Variants in ZSCAN10 observed in about 807,000 individuals in gnomAD.
The protein encoded by ZSCAN10 is zinc finger and SCAN domain-containing protein 10.
In ZSCAN10, 52 loss-of-function variants were observed where a neutral mutation model predicts 63.7. The observed-to-expected ratio is 0.82, with a 90% CI of 0.65 to 1.03. The LOEUF is 1.03. Among genes scored for constraint, ZSCAN10 ranks in the 50% least tolerant of loss-of-function variants. The pLI, the probability that ZSCAN10 is intolerant of heterozygous loss-of-function variation, is 0.00. For synonymous variants in ZSCAN10, 544 were observed against 479.6 expected (o/e 1.13, Z -1.76); for missense variants, 1,223 against 1,103.8 (o/e 1.11, Z -1.53).
rs774032904 is a variant in ZSCAN10, at chr16:3,089,490, G to A, written c.1944C>T (p.His648=). 1 of 1,601,352 alleles carries A rather than the reference G, an allele frequency of 6.2e-7. No individual in the cohort carries two copies. Among genetic ancestry groups the A allele is most frequent in the East Asian group, 2.2e-5 (1 of 44,554 alleles). Residue 648 remains histidine, a synonymous_variant, in exon 6 of 6, where the codon CAC becomes CAT. Transcript: ENST00000576985. The part of the protein sequence containing the change: ...ECGEGFSQSA[H]LARHQRIHTG... ...TGTGGATGCGCTGGTGGCGCGCCAG[G>A]TGGGCGCTCTGGCTGAAGCCCTCAC...
intron 1 of ZSCAN10, among the ~76,000 whole-genome samples, chr16:3,095,869 A>AG (rs1489768068): frequency 2.0e-5 from 3 of 151,108 alleles, no homozygotes; most frequent in African/African-American, 7.3e-5. Flanking sequence ...GGTTGTGTAT[A>AG]CCTGTGGTCC....
Position 3,092,870 on chromosome 16 carries a change from T to A in ZSCAN10, c.68A>T (p.Glu23Val). 6.9e-7 allele frequency: 1 copy of A among 1,445,600 alleles called. No individual in the cohort carries two copies. Among genetic ancestry groups the A allele is most frequent in the Middle Eastern group, 2.3e-4 (1 of 4,308 alleles). The allele number at this position is 1,445,600 out of a possible 1,614,324, so 89.5% of individuals were successfully genotyped here. A position where few individuals can be genotyped will look rare whatever the true frequency, so the allele number is the denominator to read the frequency against. ...GGGGTCCTCTGGGCTGACAGCCTCC[T>A]CCTCCTCCAGCTTGACTTCCCCCAG... The part of the protein sequence containing the change: ...EQLGEVKLEE[E>V]EAVSPEDPRR... Residue 23 changes from glutamate (E) to valine (V), a missense_variant, in exon 2 of 6, where the codon GAG (glutamate) becomes GTG (valine). By Grantham distance (121) the Glu-to-Val change is moderately radical. Coordinates refer to ENST00000576985, the MANE Select transcript of ZSCAN10 (RefSeq NM_032805.3).
At chr16:3,093,100 A>G (rs1428903533) in intron 1 of ZSCAN10, 96 bp from the exon 2 acceptor site, 2 of 949,712 alleles carry the variant, frequency 2.1e-6, no homozygotes, top group African/African-American at 3.4e-5. Flanking sequence ...ACGCAGACCC[A>G]GAGGAATCGC....
chr16:3,095,827 CAAA>C (rs34598827), intron 1 of ZSCAN10, among the ~76,000 whole-genome samples: 1 of 118,674 alleles, frequency 8.4e-6, no homozygotes, highest in Non-Finnish European at 1.7e-5. Context: ...GACTCCATCT[CAAA>C]AAAAAAAAAA....
intron 5 of ZSCAN10, 41 bp from the exon 6 acceptor site, chr16:3,090,687 C>T (rs1451395714): frequency 6.7e-7 from 1 of 1,493,798 alleles, no homozygotes; most frequent in African/African-American, 1.4e-5. Flanking sequence ...GGCCTATTCC[C>T]AGGGCCACTA....
In ZSCAN10 at chr16:3,089,509, C is replaced by T; in HGVS notation, c.1925G>A (p.Gly642Asp). ...KPCRCSECGE[G>D]FSQSAHLARH... ...CGCCAGGTGGGCGCTCTGGCTGAAGCCCTCACCGCACTCGCTGCAGCGGCA... is the reference window on the plus strand; with the variant it reads ...CGCCAGGTGGGCGCTCTGGCTGAAGTCCTCACCGCACTCGCTGCAGCGGCA... Residue 642 changes from glycine (G) to aspartate (D), a missense_variant, in exon 6 of 6, where the codon GGC becomes GAC. Coordinates refer to ENST00000576985, the MANE Select transcript of ZSCAN10 (RefSeq NM_032805.3). 1 of 1,602,674 alleles carries T rather than the reference C, an allele frequency of 6.2e-7. No individual in the cohort carries two copies.
intron 4 of ZSCAN10, 65 bp downstream of exon 4, chr16:3,091,699 G>C (rs1957078822): frequency 5.0e-6 from 8 of 1,605,144 alleles, no homozygotes; most frequent in Non-Finnish European, 6.8e-6. Context: ...GTATGGATTT[G>C]CTAAAACTAC....
chr16:3,089,622 C>A lies in ZSCAN10; in HGVS notation c.1812G>T (p.Arg604=). The A allele has an allele frequency of 6.3e-7, 1 of 1,583,912 alleles. No individual in the cohort carries two copies. The highest frequency in any genetic ancestry group is 1.8e-5 in the Admixed American group (1 of 56,358). ...ARHLLTHGGP[R]PHHCTQCGKS... is the part of the protein sequence containing the mutation. ...TCCCGCACTGGGTGCAGTGGTGGGG[C>A]CGAGGGCCACCGTGGGTCAGCAGGT... Residue 604 remains arginine (R), a synonymous_variant, in exon 6 of 6, where the codon CGG becomes CGT. Coordinates refer to ENST00000576985, the MANE Select transcript of ZSCAN10 (RefSeq NM_032805.3).
intron 1 of ZSCAN10, among the ~76,000 whole-genome samples, chr16:3,096,264 A>C (rs1471916571): frequency 6.6e-6 from 1 of 152,100 alleles, no homozygotes; most frequent in Non-Finnish European, 1.5e-5. Context: ...TTTACATTTT[A>C]TTTCAGGCAG....
rs754180254 is a variant in ZSCAN10, at chr16:3,089,830, T to C, written c.1604A>G (p.Glu535Gly). The change falls in exon 6 of 6, where the codon GAG becomes GGG. Residue 535 changes from glutamate (E) to glycine (G), a missense_variant. By Grantham distance (98) the Glu-to-Gly change is moderately conservative (BLOSUM62 -2). Transcript: ENST00000576985. ...SDCGKAFRRSEHLVAHRRVHT... is the reference protein window; with the variant it reads ...SDCGKAFRRSGHLVAHRRVHT... ...CACCCTCCGGTGGGCCACCAGGTGC[T>C]CGCTGCGCCGGAAGGCCTTGCCGCA... The C allele has an allele frequency of 7.7e-6, 12 of 1,562,174 alleles. No homozygotes were observed. The highest frequency in any genetic ancestry group is 1.0e-5 in the Non-Finnish European group (12 of 1,160,856).
At position 3,091,808 on chromosome 16, in the gene ZSCAN10, A is replaced by T. The variant is rs2151215930; in HGVS notation, c.685T>A (p.Trp229Arg). The change falls in exon 4 of 6, where the codon TGG becomes AGG. Residue 229 changes from tryptophan to arginine, a missense_variant. Physicochemically the swap from Trp to Arg is moderately radical, Grantham distance 101. Transcript: ENST00000576985. ...TGATCTCGGGAACTCTCCTCTGGCC[A>T]TGGTGAGGGGCCCTGGGGACCTGAC... The part of the protein sequence containing the change: ...QESSPQGPSP[W>R]PEESSRDQEL... The T allele has an allele frequency of 6.4e-7, 1 of 1,572,860 alleles. No homozygotes were observed. The highest frequency in any genetic ancestry group is 1.2e-5 in the South Asian group (1 of 86,312).
intron 1 of ZSCAN10, among the ~76,000 whole-genome samples, chr16:3,098,564 G>C (rs1048122199): frequency 1.3e-5 from 2 of 152,174 alleles, no homozygotes; most frequent in African/African-American, 4.8e-5. Context: ...CTCTCCAAAA[G>C]GTTTCAAAGA....
chr16:3,092,217 C>G lies in ZSCAN10; in HGVS notation c.496G>C (p.Glu166Gln). 6.2e-7 allele frequency: 1 copy of G among 1,612,678 alleles called. No individual in the cohort carries two copies. The change falls in exon 3 of 6, where the codon GAA becomes CAA. Residue 166 changes from glutamate (E) to glutamine (Q), a missense_variant. By Grantham distance (29) the Glu-to-Gln change is conservative. Transcript: ENST00000576985. ...SQVPSHSPKK[E>Q]LPAEEPSVLG... ...ACTGAAGGCTCTTCCGCAGGCAATT[C>G]CTTCTTGGGGCTGTGGCTGGGGACC...
intron 1 of ZSCAN10, among the ~76,000 whole-genome samples, chr16:3,095,796 C>G (rs1409720065): frequency 6.6e-6 from 1 of 150,856 alleles, no homozygotes; most frequent in Non-Finnish European, 1.5e-5. Context: ...CCACTGCACT[C>G]CAGCCTGGGC....
Position 3,089,469 on chromosome 16 carries a change from G to C in ZSCAN10, c.1965C>G (p.Ile655Met). ...AGGCGTGGGGCTTCTCCCCTGTGTG[G>C]ATGCGCTGGTGGCGCGCCAGGTGGG... ...QSAHLARHQR[I>M]HTGEKPHACD... Residue 655 changes from isoleucine to methionine, a missense_variant, in exon 6 of 6, where the codon ATC becomes ATG. Physicochemically the swap from Ile to Met is conservative, Grantham distance 10. Coordinates refer to ENST00000576985, the MANE Select transcript of ZSCAN10 (RefSeq NM_032805.3). 6.2e-7 allele frequency: 1 copy of C among 1,605,238 alleles called. No individual in the cohort carries two copies. The highest frequency in any genetic ancestry group is 8.5e-7 in the Non-Finnish European group (1 of 1,177,704).
rs1256060496 is a variant in ZSCAN10 at position 3,089,083 on chromosome 16, G to A, written c.*8C>T. ...GCGCAGGGCGCGGCTGGCGGAAGGC[G>A]GGCCAAGCTAGTACAGCGTCTCGCG... is the stretch of plus-strand genomic sequence containing the variant. On this transcript the variant is annotated 3_prime_UTR_variant, in exon 6 of 6. Transcript: ENST00000576985. 3.1e-5 allele frequency: 46 copies of A among 1,475,432 alleles called. No individual in the cohort carries two copies. Among genetic ancestry groups the A allele is most frequent in the Non-Finnish European group, 3.8e-5 (43 of 1,124,756 alleles). The allele number at this position is 1,475,432 out of a possible 1,614,324, so 91.4% of individuals were successfully genotyped here.
rs1596283451 is a variant in ZSCAN10 at position 3,090,469 on chromosome 16, G to C, written c.965C>G (p.Ser322Cys). The C allele has an allele frequency of 1.2e-6, 2 of 1,613,778 alleles. No homozygotes were observed. The highest frequency in any genetic ancestry group is 2.2e-5 in the East Asian group (1 of 44,870). The change falls in exon 6 of 6, where the codon TCC (serine) becomes TGC (cysteine). Residue 322 changes from serine to cysteine, a missense_variant. Coordinates refer to ENST00000576985, the MANE Select transcript of ZSCAN10 (RefSeq NM_032805.3). ...AAASGPGEDG[S>C]LLGSSEILEV... is the part of the protein sequence containing the mutation. ...CAAAATTTCACTGCTGCCAAGAAGG[G>C]ACCCATCTTCACCAGGGCCGCTAGC...
In ZSCAN10 at chr16:3,089,844, G is replaced by C; in HGVS notation, c.1590C>G (p.Ala530=). Residue 530 remains alanine (A), a synonymous_variant, in exon 6 of 6, where the codon GCC becomes GCG. Coordinates refer to ENST00000576985, the MANE Select transcript of ZSCAN10 (RefSeq NM_032805.3). ...CCACCAGGTGCTCGCTGCGCCGGAA[G>C]GCCTTGCCGCAGTCGCTGCACACGA... ...RPFVCSDCGK[A]FRRSEHLVAH... is the part of the protein sequence containing the mutation. 3 of 1,550,894 alleles carry C rather than the reference G, an allele frequency of 1.9e-6. No individual in the cohort carries two copies. Among genetic ancestry groups the C allele is most frequent in the Non-Finnish European group, 2.6e-6 (3 of 1,154,320 alleles).
chr16:3,093,687 C>CT lies in ZSCAN10; in HGVS notation c.-67-684dup, dbSNP rs1169436067. Among the ~76,000 whole-genome samples, 129 of 46,624 alleles carry CT rather than the reference C, an allele frequency of 2.8e-3. 1 individual carries two copies. The East Asian group carries it at 0.035, about 13-fold the overall frequency. The allele number at this position is 46,624 out of a possible 152,430, so 30.6% of individuals were successfully genotyped here. A position where few individuals can be genotyped will look rare whatever the true frequency, so the allele number is the denominator to read the frequency against. On this transcript the variant is annotated intron_variant, in intron 1 of 5. Transcript: ENST00000576985. Reference sequence around the variant, plus strand: ...TTTGTTTTTTAAAGCTTTTTTTTTTCTTTTTTTTTTTGAGATGGAGTCTTG... The same window carrying CT: ...TTTGTTTTTTAAAGCTTTTTTTTTTCTTTTTTTTTTTTGAGATGGAGTCTTG...
Sources: allele counts gnomAD v4.1 joint callset (sites outside exome capture counted in the v4.1 genomes callset), GRCh38; gene constraint gnomAD v4.1.1; transcripts MANE v1.5; gene names NCBI Gene and HGNC (gene_info 2026-07-23, HGNC 2026-07-21).